Variants in TENT5A observed in about 807,000 individuals in gnomAD.
The protein encoded by TENT5A is terminal nucleotidyltransferase 5A.
Under a neutral mutation model 30.2 loss-of-function variants are expected in TENT5A, and 9 were observed. The ratio of observed to expected loss-of-function variants is 0.30; its 90% confidence interval spans 0.18 to 0.52. The LOEUF (loss-of-function observed/expected upper bound fraction) is 0.52, where lower values mean the gene tolerates loss of function less well. TENT5A is among the 20% of genes least tolerant of loss of function. The probability of loss-of-function intolerance (pLI) is 0.97; values close to 1 mark genes in which losing one functional copy is unlikely to be tolerated. For missense variants in TENT5A, 411 were observed against 566.1 expected, an observed-to-expected ratio of 0.73 and a Z score of 2.78; for synonymous variants, 264 against 234.2, an observed-to-expected ratio of 1.13 and a Z score of -1.16.
rs1768879932 is a variant in TENT5A at position 81,746,100 on chromosome 6, TATAAC to T, written c.*3590_*3594del. 3.8e-5 allele frequency: 37 copies of T among 982,316 alleles called. No homozygotes were observed. The highest frequency in any genetic ancestry group is 3.9e-5 in the Non-Finnish European group (32 of 826,594). 60.8% of individuals were successfully genotyped at this position (982,316 alleles called of 1,614,324 possible). A position where few individuals can be genotyped will look rare whatever the true frequency, so the allele number is the denominator to read the frequency against. On this transcript the variant is annotated 3_prime_UTR_variant, in exon 3 of 3. Coordinates refer to ENST00000320172, the MANE Select transcript of TENT5A (RefSeq NM_017633.3). Reference sequence around the variant, plus strand: ...TTAGAAAGCCATTATTTTAACAAAATATAACATAGAGATTCTTTCTTAGCACTGAA... The same window carrying T: ...TTAGAAAGCCATTATTTTAACAAAATATAGAGATTCTTTCTTAGCACTGAA...
At position 81,751,826 on chromosome 6, in the gene TENT5A, G is replaced by T. The variant is rs752539585; in HGVS notation, c.316C>A (p.Arg106=). The change falls in exon 2 of 3, where the codon CGG becomes AGG. Residue 106 remains arginine, a synonymous_variant. Transcript: ENST00000320172. ...CCAATGCGCTTCTCGGCCAGGCGCCGCCGCACCACCTTCACGATCAGGCTC... is the reference window on the plus strand; with the variant it reads ...CCAATGCGCTTCTCGGCCAGGCGCCTCCGCACCACCTTCACGATCAGGCTC... ...QPSLIVKVVR[R]RLAEKRIGVR... 1 of 1,612,714 alleles carries T rather than the reference G, an allele frequency of 6.2e-7. No individual in the cohort carries two copies. The highest frequency in any genetic ancestry group is 8.5e-7 in the Non-Finnish European group (1 of 1,179,836).
chr6:81,748,714 A>G lies in TENT5A; in HGVS notation c.*981T>C. The stretch of plus-strand genomic sequence containing the variant: ...TACCTATGATAATATCAGATCAACA[A>G]ATGTTAACTTTATACAAGTATTTGC... On this transcript the variant is annotated 3_prime_UTR_variant, in exon 3 of 3. Transcript: ENST00000320172. 1.0e-6 allele frequency: 1 copy of G among 983,738 alleles called. No individual in the cohort carries two copies. The highest frequency in any genetic ancestry group is 1.1e-4 in the East Asian group (1 of 8,808). 60.9% of individuals were successfully genotyped at this position (983,738 alleles called of 1,614,324 possible).
rs777081483 is a variant in TENT5A at position 81,751,913 on chromosome 6, T to C, written c.229A>G (p.Ile77Val). The change falls in exon 2 of 3, where the codon ATC (isoleucine) becomes GTC (valine). Residue 77 changes from isoleucine (I) to valine (V), a missense_variant. Coordinates refer to ENST00000320172, the MANE Select transcript of TENT5A (RefSeq NM_017633.3). The part of the protein sequence containing the change: ...NWEQVQRLDG[I>V]LSETIPIHGR... ...TGAATCGGAATGGTCTCGCTCAGGA[T>C]GCCGTCCAGCCGCTGCACTTGCTCC... The C allele has an allele frequency of 4.3e-6, 7 of 1,613,108 alleles. No individual in the cohort carries two copies. Among genetic ancestry groups the C allele is most frequent in the South Asian group, 1.1e-5 (1 of 91,080 alleles).
In TENT5A at chr6:81,749,107, CCTA is replaced by C. The variant is rs1768971394; in HGVS notation, c.*585_*587del. On this transcript the variant is annotated 3_prime_UTR_variant, in exon 3 of 3. Coordinates refer to ENST00000320172, the MANE Select transcript of TENT5A (RefSeq NM_017633.3). Reference sequence around the variant, plus strand: ...CTGATTGTTACGAGAACTGCACCAACCTACTACTGTTCATTTGGAGCAAGCCGT... The same window carrying C: ...CTGATTGTTACGAGAACTGCACCAACCTACTGTTCATTTGGAGCAAGCCGT... The C allele has an allele frequency of 1.0e-6, 1 of 985,754 alleles. No individual in the cohort carries two copies. Among genetic ancestry groups the C allele is most frequent in the Non-Finnish European group, 1.2e-6 (1 of 829,990 alleles). The allele number at this position is 985,754 out of a possible 1,614,324, so 61.1% of individuals were successfully genotyped here. A position where few individuals can be genotyped will look rare whatever the true frequency, so the allele number is the denominator to read the frequency against.
chr6:81,748,035 G>T lies in TENT5A; in HGVS notation c.*1660C>A. ...TTCATATTGACATGATTTATAAAAT[G>T]TTATATATAATATATATCTCATATA... On this transcript the variant is annotated 3_prime_UTR_variant, in exon 3 of 3. Transcript: ENST00000320172. 1.0e-6 allele frequency: 1 copy of T among 958,900 alleles called. No individual in the cohort carries two copies. Among genetic ancestry groups the T allele is most frequent in the Non-Finnish European group, 1.2e-6 (1 of 805,674 alleles). The allele number at this position is 958,900 out of a possible 1,614,324, so 59.4% of individuals were successfully genotyped here.
At position 81,750,563 on chromosome 6, in the gene TENT5A, G is replaced by T; in HGVS notation, c.553-92C>A. 4 of 827,182 alleles carry T rather than the reference G, an allele frequency of 4.8e-6. No homozygotes were observed. Among genetic ancestry groups the T allele is most frequent in the East Asian group, 2.9e-5 (1 of 34,668 alleles). 51.2% of individuals were successfully genotyped at this position (827,182 alleles called of 1,614,324 possible). A position where few individuals can be genotyped will look rare whatever the true frequency, so the allele number is the denominator to read the frequency against. The stretch of plus-strand genomic sequence containing the variant: ...CCTCTTCACAGCTGAGAATTATTTT[G>T]CTCTTTCCCTTTTGTTTTGTCAAGT... On this transcript the variant is annotated intron_variant, in intron 2 of 2. Transcript: ENST00000320172. This position sits in a 1 kb window ranked among gnomAD's most constrained non-coding sequence, Gnocchi z 4.2.
Position 81,746,469 on chromosome 6 carries a change from C to A in TENT5A, c.*3226G>T. ...TTCTTCCATCCTTGCATTTTTGGAG[C>A]TACATTATTAGTCCATCCAATACCA... is the stretch of plus-strand genomic sequence containing the variant. On this transcript the variant is annotated 3_prime_UTR_variant, in exon 3 of 3. Coordinates refer to ENST00000320172, the MANE Select transcript of TENT5A (RefSeq NM_017633.3). 8.1e-7 allele frequency: 1 copy of A among 1,231,946 alleles called. No individual in the cohort carries two copies. The highest frequency in any genetic ancestry group is 1.0e-6 in the Non-Finnish European group (1 of 987,842). The allele number at this position is 1,231,946 out of a possible 1,614,324, so 76.3% of individuals were successfully genotyped here.
chr6:81,749,685 T>A lies in TENT5A; in HGVS notation c.*10A>T, dbSNP rs1327173675. On this transcript the variant is annotated 3_prime_UTR_variant, in exon 3 of 3. Transcript: ENST00000320172. Reference sequence around the variant, plus strand: ...AAATGGCTTCCCCACAGGACATTTTTAAATGATTCTTAATTGCAGGGTAGC... The same window carrying A: ...AAATGGCTTCCCCACAGGACATTTTAAAATGATTCTTAATTGCAGGGTAGC... The A allele has an allele frequency of 1.9e-6, 3 of 1,606,088 alleles. No individual in the cohort carries two copies. The highest frequency in any genetic ancestry group is 2.6e-6 in the Non-Finnish European group (3 of 1,174,708).
Position 81,751,725 on chromosome 6 carries a change from G to A in TENT5A, c.417C>T (p.Asp139=), listed in dbSNP as rs750636965. The A allele has an allele frequency of 6.2e-7, 1 of 1,613,840 alleles. No homozygotes were observed. Among genetic ancestry groups the A allele is most frequent in the African/African-American group, 1.3e-5 (1 of 74,922 alleles). Residue 139 remains aspartate, a synonymous_variant, in exon 2 of 3, where the codon GAC becomes GAT. Coordinates refer to ENST00000320172, the MANE Select transcript of TENT5A (RefSeq NM_017633.3). ...LHQDSGLGYK[D]LDLIFCADLR... ...GGTCGGCGCAGAAGATGAGGTCCAG[G>A]TCCTTGTAGCCCAGGCCGCTGTCCT...
rs761774394 is a variant in TENT5A at position 81,750,433 on chromosome 6, G to A, written c.591C>T (p.Asp197=). Residue 197 remains aspartate, a synonymous_variant, in exon 3 of 3, where the codon GAC becomes GAT. Coordinates refer to ENST00000320172, the MANE Select transcript of TENT5A (RefSeq NM_017633.3). This position sits in a 1 kb window ranked among gnomAD's most constrained non-coding sequence, Gnocchi z 4.2. ...GGGATATAAGACTCCATCGGTCAGA[G>A]TCATTGCACACTTTAACCATTTTCT... ...YVQKMVKVCN[D]SDRWSLISLS... is the part of the protein sequence containing the mutation. The A allele has an allele frequency of 6.3e-7, 1 of 1,580,546 alleles. No homozygotes were observed. The highest frequency in any genetic ancestry group is 8.6e-7 in the Non-Finnish European group (1 of 1,165,600).
In TENT5A at chr6:81,749,958, T is replaced by C. The variant is rs1768997523; in HGVS notation, c.1066A>G (p.Met356Val). Reference protein sequence around the residue: ...GLEDRKYEYLMTLHGVVNEST... With the variant: ...GLEDRKYEYLVTLHGVVNEST... Reference sequence around the variant, plus strand: ...TCATTTACCACTCCATGAAGGGTCATGAGATACTCATACTTGCGGTCTTCC... The same window carrying C: ...TCATTTACCACTCCATGAAGGGTCACGAGATACTCATACTTGCGGTCTTCC... Residue 356 changes from methionine (M) to valine (V), a missense_variant, in exon 3 of 3, where the codon ATG becomes GTG. By Grantham distance (21) the Met-to-Val change is conservative. Around this residue, in one of 5 missense-constraint regions of TENT5A, gnomAD observed 135 missense variants for 240.0 expected, o/e 0.56. Transcript: ENST00000320172. 6.2e-7 allele frequency: 1 copy of C among 1,612,110 alleles called. No homozygotes were observed. Among genetic ancestry groups the C allele is most frequent in the East Asian group, 2.2e-5 (1 of 44,878 alleles).
At position 81,750,218 on chromosome 6, in the gene TENT5A, T is replaced by A; in HGVS notation, c.806A>T (p.Gln269Leu). Residue 269 changes from glutamine (Q) to leucine (L), a missense_variant, in exon 3 of 3, where the codon CAG becomes CTG. Gln to Leu is a moderately radical substitution (Grantham distance 113, BLOSUM62 -2). Coordinates refer to ENST00000320172, the MANE Select transcript of TENT5A (RefSeq NM_017633.3). The surrounding 1 kb of genome is among the most constrained non-coding windows in gnomAD (Gnocchi z 4.2). Reference sequence around the variant, plus strand: ...GTTACAAAGGTGATCAAAGGCTTCCTGGAAATCGCCATAGACGCTCTCCCC... The same window carrying A: ...GTTACAAAGGTGATCAAAGGCTTCCAGGAAATCGCCATAGACGCTCTCCCC... The part of the protein sequence containing the change: ...IIGESVYGDF[Q>L]EAFDHLCNKI... 1 of 1,614,200 alleles carries A rather than the reference T, an allele frequency of 6.2e-7. No homozygotes were observed. Among genetic ancestry groups the A allele is most frequent in the Non-Finnish European group, 8.5e-7 (1 of 1,180,030 alleles).
Position 81,748,624 on chromosome 6 carries a change from T to C in TENT5A, c.*1071A>G, listed in dbSNP as rs1768934252. On this transcript the variant is annotated 3_prime_UTR_variant, in exon 3 of 3. Transcript: ENST00000320172. ...AGTCAATCTACTGTGTATATATACA[T>C]ATAAAATGTATATATAAAATGTATA... The C allele has an allele frequency of 1.1e-6, 1 of 915,122 alleles. No homozygotes were observed. Among genetic ancestry groups the C allele is most frequent in the East Asian group, 1.2e-4 (1 of 8,506 alleles). 56.7% of individuals were successfully genotyped at this position (915,122 alleles called of 1,614,324 possible).
rs1562143679 is a variant in TENT5A at position 81,752,388 on chromosome 6, T to A, written c.-38+43A>T. On this transcript the variant is annotated intron_variant, in intron 1 of 2. Coordinates refer to ENST00000320172, the MANE Select transcript of TENT5A (RefSeq NM_017633.3). Reference sequence around the variant, plus strand: ...AGCAGCCCCGCACCAAAAGTATCTCTGATGCATCTGGAAAGCGCAAGCGAG... The same window carrying A: ...AGCAGCCCCGCACCAAAAGTATCTCAGATGCATCTGGAAAGCGCAAGCGAG... The A allele has an allele frequency of 2.6e-6, 4 of 1,544,820 alleles. No individual in the cohort carries two copies. The South Asian group carries it at 3.6e-5, about 14-fold the overall frequency.
chr6:81,748,025 T>C lies in TENT5A; in HGVS notation c.*1670A>G. On this transcript the variant is annotated 3_prime_UTR_variant, in exon 3 of 3. Transcript: ENST00000320172. The stretch of plus-strand genomic sequence containing the variant: ...TCAAAGATGTTTCATATTGACATGA[T>C]TTATAAAATGTTATATATAATATAT... The C allele has an allele frequency of 1.0e-6, 1 of 973,504 alleles. No homozygotes were observed. Among genetic ancestry groups the C allele is most frequent in the Non-Finnish European group, 1.2e-6 (1 of 818,962 alleles). The allele number at this position is 973,504 out of a possible 1,614,324, so 60.3% of individuals were successfully genotyped here. A position where few individuals can be genotyped will look rare whatever the true frequency, so the allele number is the denominator to read the frequency against.
Position 81,748,559 on chromosome 6 carries a change from T to C in TENT5A, c.*1136A>G, listed in dbSNP as rs1299724469. 1.0e-6 allele frequency: 1 copy of C among 981,900 alleles called. No individual in the cohort carries two copies. The highest frequency in any genetic ancestry group is 1.1e-4 in the East Asian group (1 of 8,814). The allele number at this position is 981,900 out of a possible 1,614,324, so 60.8% of individuals were successfully genotyped here. A position where few individuals can be genotyped will look rare whatever the true frequency, so the allele number is the denominator to read the frequency against. On this transcript the variant is annotated 3_prime_UTR_variant, in exon 3 of 3. Coordinates refer to ENST00000320172, the MANE Select transcript of TENT5A (RefSeq NM_017633.3). ...CTGTTGAAAACATAAAAACACACAG[T>C]ATTTAAACATTTCCTATTTGAGACA...
intron 1 of TENT5A, 93 bp from the exon 2 acceptor site, chr6:81,752,271 C>T: frequency 4.0e-6 from 6 of 1,488,118 alleles, no homozygotes; most frequent in Non-Finnish European, 5.4e-6. Flanking sequence ...GAAAAGAGCG[C>T]CCCCTCCCCC....
At position 81,749,791 on chromosome 6, in the gene TENT5A, T is replaced by C; in HGVS notation, c.1233A>G (p.Val411=). The part of the protein sequence containing the change: ...VTCYYQPAPY[V]ADANFSNYYI... Reference sequence around the variant, plus strand: ...AGTAATTGCTAAAGTTGGCATCTGCTACATAGGGGGCTGGCTGGTAATAGC... The same window carrying C: ...AGTAATTGCTAAAGTTGGCATCTGCCACATAGGGGGCTGGCTGGTAATAGC... The change falls in exon 3 of 3, where the codon GTA becomes GTG. Residue 411 remains valine (V), a synonymous_variant. Transcript: ENST00000320172. 1 of 1,614,148 alleles carries C rather than the reference T, an allele frequency of 6.2e-7. No individual in the cohort carries two copies. The highest frequency in any genetic ancestry group is 8.5e-7 in the Non-Finnish European group (1 of 1,180,032).
rs375746695 is a variant in TENT5A at position 81,752,013 on chromosome 6, G to A, written c.129C>T (p.Gly43=). ...GGGDFGGGDF[G]GGGSFGGHCL... ...AATGCCCACCGAAGCTGCCGCCACC[G>A]CCGAAGTCGCCGCCGCCGAAGTCGC... Residue 43 remains glycine, a synonymous_variant, in exon 2 of 3, where the codon GGC becomes GGT. Transcript: ENST00000320172. 4.0e-5 allele frequency: 45 copies of A among 1,130,080 alleles called. No homozygotes were observed. The African/African-American group carries it at 7.4e-4, about 19-fold the overall frequency. The allele number at this position is 1,130,080 out of a possible 1,614,324, so 70.0% of individuals were successfully genotyped here. A position where few individuals can be genotyped will look rare whatever the true frequency, so the allele number is the denominator to read the frequency against.
Sources: gnomAD v4.1 joint callset for allele counts on GRCh38, gnomAD v4.1.1 for gene constraint, gnomAD v4.1.1 regional missense constraint, Gnocchi (gnomAD v3.1) non-coding constraint, MANE v1.5 for transcripts, NCBI Gene and HGNC (gene_info 2026-07-23, HGNC 2026-07-21) for gene names.